Variants in GPR89B observed in about 807,000 individuals in gnomAD.
GPR89B encodes the protein golgi pH regulator B.
A neutral mutation model predicts 52.4 loss-of-function variants in GPR89B; 25 were observed. That is an observed-to-expected ratio of 0.48 (90% CI 0.35 to 0.67). The LOEUF (loss-of-function observed/expected upper bound fraction) is 0.67. GPR89B is among the 30% of genes least tolerant of loss of function. GPR89B has a pLI of 0.01. For missense variants in GPR89B, 146 were observed against 450.2 expected (o/e 0.32, Z 6.11); for synonymous variants, 52 against 151.2 (o/e 0.34, Z 4.81).
the GPR89B span, among the ~76,000 whole-genome samples, chr1:148,006,749 C>T: frequency 1.2e-3 from 176 of 150,832 alleles, no homozygotes; most frequent in African/African-American, 4.0e-3. Flanking sequence ...TGGAGTCTTG[C>T]TCTGTCACCT....
chr1:147,947,171 C>A (rs1189013650), intron 5 of GPR89B, among the ~76,000 whole-genome samples: 1 of 151,998 alleles, frequency 6.6e-6, no homozygotes, highest in African/African-American at 2.4e-5. Flanking sequence ...CCCGTCTGTA[C>A]TAAAAATAGA....
At chr1:147,951,077 G>T (rs1454977778) in intron 5 of GPR89B, among the ~76,000 whole-genome samples, 1 of 151,816 alleles carries the variant, frequency 6.6e-6, no homozygotes, top group Admixed American at 6.6e-5. Context: ...GCAACCAGGG[G>T]AAAACTTATT....
chr1:147,977,536 G>T (rs1325683073), intron 10 of GPR89B, among the ~76,000 whole-genome samples: 1 of 151,940 alleles, frequency 6.6e-6, no homozygotes, highest in Non-Finnish European at 1.5e-5. Flanking sequence ...TGTCTTGCTA[G>T]GTTGGGGAAG....
chr1:147,968,425 T>G (rs1294316012), intron 8 of GPR89B: 144 of 454,992 alleles, frequency 3.2e-4, no homozygotes, highest in Middle Eastern at 2.1e-3. Flanking sequence ...TGAAAAGAAA[T>G]AAGGTAATGT....
the GPR89B span, among the ~76,000 whole-genome samples, chr1:148,005,156 C>T: frequency 1.5e-5 from 1 of 66,630 alleles, no homozygotes; most frequent in Non-Finnish European, 3.0e-5. Context: ...TTTTGTAGAC[C>T]TCATGTGAAA....
At chr1:148,012,504 C>T in the GPR89B span, among the ~76,000 whole-genome samples, 3 of 149,826 alleles carry the variant, frequency 2.0e-5, no homozygotes, top group Non-Finnish European at 4.4e-5. Context: ...GCCCCACTCC[C>T]CCACCCCCGC....
At chr1:147,983,465 C>G (rs1259594088) in intron 10 of GPR89B, among the ~76,000 whole-genome samples, 2 of 151,910 alleles carry the variant, frequency 1.3e-5, no homozygotes, top group Non-Finnish European at 2.9e-5. Flanking sequence ...ACAATGAACT[C>G]AAACAAATTT....
In GPR89B at chr1:147,993,421, C is replaced by T; in HGVS notation, c.*504C>T. The T allele has an allele frequency of 4.4e-6, 1 of 229,576 alleles. No individual in the cohort carries two copies. Among genetic ancestry groups the T allele is most frequent in the Non-Finnish European group, 8.6e-6 (1 of 116,138 alleles). 14.2% of individuals were successfully genotyped at this position (229,576 alleles called of 1,614,324 possible). On this transcript the variant is annotated 3_prime_UTR_variant, in exon 14 of 14. Transcript: ENST00000314163. ...TGATCTAACATGAGTTAGCATCCCA[C>T]ACCTCCTCTTCTGATCCTGCCCCAT...
chr1:147,936,356 A>G (rs1373409807), intron 1 of GPR89B, among the ~76,000 whole-genome samples: 17 of 152,156 alleles, frequency 1.1e-4, no homozygotes, highest in Non-Finnish European at 2.1e-4. Flanking sequence ...TCATATAATG[A>G]TTATCATAAG....
chr1:147,964,371 C>T (rs1656877580), intron 7 of GPR89B, among the ~76,000 whole-genome samples: 1 of 151,856 alleles, frequency 6.6e-6, no homozygotes, highest in Non-Finnish European at 1.5e-5. Flanking sequence ...AAACCTCAGC[C>T]AAGTGCATAT....
intron 7 of GPR89B, among the ~76,000 whole-genome samples, chr1:147,958,575 G>A (rs1356568191): frequency 6.9e-6 from 1 of 144,796 alleles, no homozygotes; most frequent in Non-Finnish European, 1.5e-5. Flanking sequence ...GGGAGGCAGA[G>A]GTTGCAGTGA....
the GPR89B span, chr1:148,005,564 A>G: frequency 3.5e-6 from 4 of 1,150,586 alleles, no homozygotes; most frequent in African/African-American, 4.9e-5. Flanking sequence ...TCCCTCTTGG[A>G]TGGTAATCTG....
At chr1:148,000,924 T>G in the GPR89B span, among the ~76,000 whole-genome samples, 1 of 130,286 alleles carries the variant, frequency 7.7e-6, no homozygotes, top group Admixed American at 8.1e-5. Context: ...TGCTAAGGGC[T>G]TACAAGTTGT....
At chr1:148,017,501 G>A in the GPR89B span, among the ~76,000 whole-genome samples, 5 of 150,356 alleles carry the variant, frequency 3.3e-5, no homozygotes, top group Admixed American at 6.6e-5. Flanking sequence ...TTGGGAGGCC[G>A]AGGTGGGTGG....
At chr1:148,018,902 G>A in the GPR89B span, among the ~76,000 whole-genome samples, 2 of 151,472 alleles carry the variant, frequency 1.3e-5, no homozygotes, top group Non-Finnish European at 1.5e-5. Context: ...CTGACCTCAG[G>A]TGATCCGCCC....
At chr1:147,936,588 G>T in intron 1 of GPR89B, 39 bp from the exon 2 acceptor site, 1 of 1,537,938 alleles carries the variant, frequency 6.5e-7, no homozygotes, top group Non-Finnish European at 9.0e-7. Flanking sequence ...TTTCTCAAAA[G>T]AAAATATGTA....
intron 12 of GPR89B, among the ~76,000 whole-genome samples, chr1:147,989,539 G>T (rs1658904131): frequency 1.3e-5 from 2 of 151,010 alleles, no homozygotes; most frequent in South Asian, 4.2e-4. Context: ...CTATTAACTT[G>T]TCATTTACAT....
chr1:147,977,019 G>T (rs1457743402), intron 10 of GPR89B, among the ~76,000 whole-genome samples: 7 of 151,570 alleles, frequency 4.6e-5, no homozygotes, highest in Admixed American at 1.3e-4. Context: ...CAGATCACGA[G>T]GTCAGAAGAT....
chr1:147,983,656 T>C (rs1658437309), intron 10 of GPR89B, among the ~76,000 whole-genome samples: 1 of 151,708 alleles, frequency 6.6e-6, no homozygotes, highest in Non-Finnish European at 1.5e-5. Context: ...AGAATGGCAA[T>C]CATTAAAAAG....
Sources: gnomAD v4.1 joint callset for allele counts (sites outside exome capture counted in the v4.1 genomes callset) on GRCh38, gnomAD v4.1.1 for gene constraint, MANE v1.5 for transcripts, NCBI Gene and HGNC (gene_info 2026-07-23, HGNC 2026-07-21) for gene names.